PLEKHG7: variants seen among roughly 807,000 people sequenced by gnomAD.
The protein encoded by PLEKHG7 is pleckstrin homology domain-containing family G member 7.
PLEKHG7 carries 77 observed loss-of-function variants against 85.2 expected under a neutral mutation model. The ratio of observed to expected loss-of-function variants is 0.90; its 90% confidence interval spans 0.75 to 1.09. The LOEUF (loss-of-function observed/expected upper bound fraction) is 1.09. Among genes scored for constraint, PLEKHG7 ranks in the 50% least tolerant of loss-of-function variants. The pLI is 0.00. For missense variants in PLEKHG7, 777 were observed against 804.3 expected, an observed-to-expected ratio of 0.97 and a Z score of 0.41; for synonymous variants, 301 against 302.4, an observed-to-expected ratio of 1.00 and a Z score of 0.05.
chr12:92,726,036 G>A (rs1871789553), intron 3 of PLEKHG7, among the ~76,000 whole-genome samples: 1 of 152,176 alleles, frequency 6.6e-6, no homozygotes, highest in African/African-American at 2.4e-5. Flanking sequence ...TCAGCAGCAT[G>A]ATGAACCTAA....
intron 15 of PLEKHG7, among the ~76,000 whole-genome samples, chr12:92,765,303 A>G (rs1335473099): frequency 6.7e-6 from 1 of 149,018 alleles, no homozygotes; most frequent in African/African-American, 2.5e-5. Context: ...CCTGGGCAAC[A>G]TAGTGAGACC....
At position 92,741,546 on chromosome 12, in the gene PLEKHG7, C is replaced by T. The variant is rs1872356568; in HGVS notation, c.1091C>T (p.Ala364Val). Residue 364 changes from alanine to valine, a missense_variant, in exon 9 of 17, where the codon GCT becomes GTT. Ala to Val is a moderately conservative substitution (Grantham distance 64, BLOSUM62 0). Coordinates refer to ENST00000344636, the MANE Select transcript of PLEKHG7 (RefSeq NM_001377329.1). ...GGCATCATCAAGGACTATGTAGACG[C>T]TTCTGAGATTTCCTCATCACTGGAT... Reference protein sequence around the residue: ...LFGIIKDYVDASEISSSLDFI... With the variant: ...LFGIIKDYVDVSEISSSLDFI... The T allele has an allele frequency of 1.2e-6, 2 of 1,613,504 alleles. No homozygotes were observed. The highest frequency in any genetic ancestry group is 1.7e-5 in the Admixed American group (1 of 59,902).
At position 92,771,922 on chromosome 12, in the gene PLEKHG7, T is replaced by C. The variant is rs1305567591; in HGVS notation, c.*1727T>C. On this transcript the variant is annotated 3_prime_UTR_variant, in exon 17 of 17. Transcript: ENST00000344636. ...AAACAGCTCAAGAATATGCTGTACA[T>C]AAACTGGAATTCTATAAAGCTCACA... 6.6e-6 allele frequency: 1 copy of C among 151,946 alleles called. No homozygotes were observed. The highest frequency in any genetic ancestry group is 1.5e-5 in the Non-Finnish European group (1 of 67,886). The allele number at this position is 151,946 out of a possible 1,614,324, so 9.4% of individuals were successfully genotyped here. A position where few individuals can be genotyped will look rare whatever the true frequency, so the allele number is the denominator to read the frequency against.
At chr12:92,710,416 A>G (rs566671719) in intron 3 of PLEKHG7, among the ~76,000 whole-genome samples, 7 of 152,322 alleles carry the variant, frequency 4.6e-5, no homozygotes, top group South Asian at 4.1e-4. Flanking sequence ...TGCTTTGTCC[A>G]TAAAGTGAGT....
intron 14 of PLEKHG7, 136 bp downstream of exon 14, chr12:92,761,967 T>A: frequency 8.8e-7 from 1 of 1,139,060 alleles, no homozygotes; most frequent in Non-Finnish European, 1.1e-6. Context: ...GAAGGCATTA[T>A]AAACTATTGG....
chr12:92,754,148 C>T lies in PLEKHG7; in HGVS notation c.1310C>T (p.Pro437Leu). ...CACGTGCCAGAGCTGCTAGTGGCCC[C>T]ACTACAGAGGCTCACTCGATATCCG... ...RLHVPELLVA[P>L]LQRLTRYPLL... The change falls in exon 11 of 17, where the codon CCA becomes CTA. Residue 437 changes from proline to leucine, a missense_variant. This residue lies in a region of PLEKHG7 where 520 missense variants were observed against 544.0 expected (regional missense o/e 0.96). Coordinates refer to ENST00000344636, the MANE Select transcript of PLEKHG7 (RefSeq NM_001377329.1). The T allele has an allele frequency of 6.2e-7, 1 of 1,614,008 alleles. No homozygotes were observed. The highest frequency in any genetic ancestry group is 8.5e-7 in the Non-Finnish European group (1 of 1,179,932).
At chr12:92,731,127 G>T (rs997660694) in intron 4 of PLEKHG7, among the ~76,000 whole-genome samples, 1 of 152,178 alleles carries the variant, frequency 6.6e-6, no homozygotes, top group African/African-American at 2.4e-5. Flanking sequence ...AGGCTCCAAA[G>T]CTAGAAAAGC....
intron 3 of PLEKHG7, among the ~76,000 whole-genome samples, chr12:92,713,200 T>G (rs1321685216): frequency 6.6e-6 from 1 of 152,184 alleles, no homozygotes; most frequent in Non-Finnish European, 1.5e-5. Flanking sequence ...GGCCTTCCCT[T>G]TATTCAAGGG....
At chr12:92,753,341 A>C (rs189164470) in intron 10 of PLEKHG7, among the ~76,000 whole-genome samples, 252 of 152,296 alleles carry the variant, frequency 1.7e-3, no homozygotes, top group African/African-American at 5.8e-3. Flanking sequence ...CATTCAAAGA[A>C]ACAGCACAGC....
chr12:92,731,449 T>TAG (rs1329034886), intron 4 of PLEKHG7, among the ~76,000 whole-genome samples: 1 of 152,154 alleles, frequency 6.6e-6, no homozygotes, highest in Non-Finnish European at 1.5e-5. Context: ...GGGGATCTGA[T>TAG]AGAGAGAGAG....
chr12:92,730,501 A>G (rs1871952571), intron 4 of PLEKHG7, among the ~76,000 whole-genome samples: 1 of 152,162 alleles, frequency 6.6e-6, no homozygotes, highest in African/African-American at 2.4e-5. Context: ...GCAGTCTGTT[A>G]GTCCATTTTG....
Position 92,766,848 on chromosome 12 carries a change from A to G in PLEKHG7, c.1871-2135A>G, listed in dbSNP as rs574081128. ...CTGTCTCAAAAAGCAAAAACAAAAC[A>G]ACTATGCTTCCACCTTTTTTATTTT... is the stretch of plus-strand genomic sequence containing the variant. On this transcript the variant is annotated intron_variant, in intron 15 of 16. Transcript: ENST00000344636. Among the ~76,000 whole-genome samples the G allele has an allele frequency of 1.9e-3, 286 of 152,246 alleles. 1 individual carries two copies. The highest frequency in any genetic ancestry group is 6.5e-3 in the African/African-American group (272 of 41,554).
At chr12:92,762,414 A>C (rs1349831783) in intron 14 of PLEKHG7, among the ~76,000 whole-genome samples, 1 of 152,242 alleles carries the variant, frequency 6.6e-6, no homozygotes, top group East Asian at 1.9e-4. Context: ...GTAGCATCAC[A>C]GACTAAATTA....
intron 3 of PLEKHG7, 44 bp downstream of exon 3, chr12:92,707,716 C>T (rs574826814): frequency 6.0e-5 from 96 of 1,613,080 alleles, no homozygotes; most frequent in Non-Finnish European, 7.2e-5. Context: ...CATCTGTTGA[C>T]TATTTACTAT....
chr12:92,707,474 C>G, intron 2 of PLEKHG7, 176 bp from the exon 3 acceptor site: 1 of 1,448,740 alleles, frequency 6.9e-7, no homozygotes, highest in African/African-American at 1.4e-5. Flanking sequence ...AAGACAACGT[C>G]GTGTCACTGA....
At chr12:92,768,602 AAAG>A (rs1259492327) in intron 15 of PLEKHG7, among the ~76,000 whole-genome samples, 1 of 152,190 alleles carries the variant, frequency 6.6e-6, no homozygotes, top group East Asian at 1.9e-4. Flanking sequence ...GGTGAAGAAC[AAAG>A]AAGAAAATAT....
intron 10 of PLEKHG7, among the ~76,000 whole-genome samples, chr12:92,752,406 C>T (rs1480236011): frequency 6.6e-6 from 1 of 152,098 alleles, no homozygotes; most frequent in Non-Finnish European, 1.5e-5. Context: ...AACAAGAGTC[C>T]AGGAGCCAGA....
intron 6 of PLEKHG7, 133 bp from the exon 7 acceptor site, chr12:92,737,245 C>A: frequency 1.3e-6 from 1 of 770,376 alleles, no homozygotes. Context: ...AGAGGGATGC[C>A]CAGGGTCTGA....
intron 13 of PLEKHG7, among the ~76,000 whole-genome samples, chr12:92,756,796 G>C (rs1872847697): frequency 1.3e-5 from 2 of 152,166 alleles, no homozygotes; most frequent in African/African-American, 4.8e-5. Context: ...GACAAGTTGT[G>C]CTAGGTAGGT....
Sources: gnomAD v4.1 joint callset for allele counts (sites outside exome capture counted in the v4.1 genomes callset) on GRCh38, gnomAD v4.1.1 for gene constraint, gnomAD v4.1.1 regional missense constraint, MANE v1.5 for transcripts, NCBI Gene and HGNC (gene_info 2026-07-23, HGNC 2026-07-21) for gene names.